Variants in RYR1 observed in about 807,000 individuals in gnomAD.
RYR1 encodes the protein ryanodine receptor 1.
A neutral mutation model predicts 583.5 loss-of-function variants in RYR1; 342 were observed. The ratio of observed to expected loss-of-function variants is 0.59; its 90% CI spans 0.54 to 0.64. The LOEUF (loss-of-function observed/expected upper bound fraction) is 0.64. Among genes scored for constraint, RYR1 ranks in the 30% least tolerant of loss-of-function variants. The probability of loss-of-function intolerance (pLI) is 0.00; values close to 1 mark genes in which losing one functional copy is unlikely to be tolerated. For missense variants in RYR1, 6,032 were observed against 6,917.2 expected, an observed-to-expected ratio of 0.87 and a Z score of 4.54; for synonymous variants, 2,791 against 2,822.5, an observed-to-expected ratio of 0.99 and a Z score of 0.35.
chr19:38,443,855 TAGA>T lies in RYR1; in HGVS notation c.424+62_424+64del, dbSNP rs1426467973. 3.3e-6 allele frequency: 5 copies of T among 1,511,284 alleles called. No individual in the cohort carries two copies. The African/African-American group carries it at 5.5e-5, about 17-fold the overall frequency. 93.6% of individuals were successfully genotyped at this position (1,511,284 alleles called of 1,614,324 possible). On this transcript the variant is annotated intron_variant, in intron 5 of 105. Transcript: ENST00000359596. ...GGCCCCGCAGCAGGGATTCAGGGGG[TAGA>T]AGGTCTGCAGAACGCCAAGGCAAGC... is the stretch of plus-strand genomic sequence containing the variant.
rs372061013 is a variant in RYR1, at chr19:38,473,427, C to T, written c.3816C>T (p.Thr1272=). 1.9e-5 allele frequency: 30 copies of T among 1,613,814 alleles called. No individual in the cohort carries two copies. Among genetic ancestry groups the T allele is most frequent in the Non-Finnish European group, 2.5e-5 (29 of 1,179,982 alleles). The change falls in exon 28 of 106, where the codon ACC becomes ACT. Residue 1272 remains threonine (T), a synonymous_variant. Transcript: ENST00000359596. ...ACACGCCCCCCTGCCTGCGCCTGAC[C>T]CACCGCACCTGGGGCTCCCAGAACA... ...TVDTPPCLRL[T]HRTWGSQNSL... is the part of the protein sequence containing the mutation.
intron 7 of RYR1, among the ~76,000 whole-genome samples, chr19:38,445,313 TCAAA>T (rs1972889778): frequency 6.7e-6 from 1 of 150,104 alleles, no homozygotes; most frequent in Non-Finnish European, 1.5e-5. Context: ...ACCCCCAAAT[TCAAA>T]CCTCAGATCC....
At position 38,448,455 on chromosome 19, in the gene RYR1, G is replaced by C. The variant is rs1412854550; in HGVS notation, c.901G>C (p.Val301Leu). 6.2e-7 allele frequency: 1 copy of C among 1,613,758 alleles called. No homozygotes were observed. Among genetic ancestry groups the C allele is most frequent in the Non-Finnish European group, 8.5e-7 (1 of 1,180,016 alleles). Reference sequence around the variant, plus strand: ...CACCGAGGACCAGGGCCTGGTGGTGGTTGACGCCAGCAAGGCTCACACCAA... The same window carrying C: ...CACCGAGGACCAGGGCCTGGTGGTGCTTGACGCCAGCAAGGCTCACACCAA... ...ALTEDQGLVVVDASKAHTKAT... is the reference protein window; with the variant it reads ...ALTEDQGLVVLDASKAHTKAT... Residue 301 changes from valine to leucine, a missense_variant, in exon 10 of 106, where the codon GTT becomes CTT. Physicochemically the swap from Val to Leu is conservative, Grantham distance 32. Around this residue, in one of 11 missense-constraint regions of RYR1, gnomAD observed 338 missense variants for 441.6 expected, o/e 0.77. Coordinates refer to ENST00000359596, the MANE Select transcript of RYR1 (RefSeq NM_000540.3).
At chr19:38,569,231 A>C (rs534353974) in intron 93 of RYR1, among the ~76,000 whole-genome samples, 10 of 152,180 alleles carry the variant, frequency 6.6e-5, no homozygotes, top group South Asian at 2.1e-4. Context: ...AGAATGGCCT[A>C]GATCTGACCT....
At position 38,502,598 on chromosome 19, in the gene RYR1, T is replaced by G. The variant is rs778270931; in HGVS notation, c.7706T>G (p.Phe2569Cys). The G allele has an allele frequency of 5.0e-6, 8 of 1,612,674 alleles. No individual in the cohort carries two copies. Among genetic ancestry groups the G allele is most frequent in the Non-Finnish European group, 6.8e-6 (8 of 1,179,882 alleles). The change falls in exon 48 of 106, where the codon TTT (phenylalanine) becomes TGT (cysteine). Residue 2569 changes from phenylalanine to cysteine, a missense_variant. Phe to Cys is a radical substitution (Grantham distance 205, BLOSUM62 -2). This residue lies in a region of RYR1 where 250 missense variants were observed against 162.3 expected (regional missense o/e 1.54). Coordinates refer to ENST00000359596, the MANE Select transcript of RYR1 (RefSeq NM_000540.3). ...CTCATCACCAAGTGTGCGCCGCTCTTTGCGGGCACAGAACACCGCGCCATC... is the reference window on the plus strand; with the variant it reads ...CTCATCACCAAGTGTGCGCCGCTCTGTGCGGGCACAGAACACCGCGCCATC... ...LPLITKCAPL[F>C]AGTEHRAIMV...
At chr19:38,502,190 T>C (rs1024390456) in intron 47 of RYR1, among the ~76,000 whole-genome samples, 11 of 151,888 alleles carry the variant, frequency 7.2e-5, no homozygotes, top group Non-Finnish European at 1.6e-4. Context: ...GGAAGAAAGA[T>C]GAGGGTTAGA....
At chr19:38,546,633 C>A (rs1972435814) in intron 88 of RYR1, 107 bp downstream of exon 88, 1 of 871,064 alleles carries the variant, frequency 1.1e-6, no homozygotes. Flanking sequence ...CATCTGACAT[C>A]GTGTCAGGAT....
intron 89 of RYR1, among the ~76,000 whole-genome samples, chr19:38,558,147 A>G (rs947008056): frequency 1.3e-5 from 2 of 150,448 alleles, no homozygotes; most frequent in Non-Finnish European, 3.0e-5. Context: ...TGTCTCTACA[A>G]AAAAACTGTT....
chr19:38,503,942 G>A (rs1019389310), intron 49 of RYR1, among the ~76,000 whole-genome samples: 1 of 152,024 alleles, frequency 6.6e-6, no homozygotes, highest in Admixed American at 6.6e-5. Context: ...ATTAATATTA[G>A]CACGCTTATT....
At chr19:38,545,145 T>C (rs1972369112) in intron 87 of RYR1, among the ~76,000 whole-genome samples, 1 of 151,998 alleles carries the variant, frequency 6.6e-6, no homozygotes, top group Non-Finnish European at 1.5e-5. Context: ...CCAATCATCA[T>C]AGGCTTAGGA....
At position 38,566,936 on chromosome 19, in the gene RYR1, C is replaced by CGCCAGA. The variant is rs751816707; in HGVS notation, c.13473_13478dup (p.Pro4497_Glu4498dup). On this transcript the variant is annotated inframe_insertion, in exon 92 of 106. Coordinates refer to ENST00000359596, the MANE Select transcript of RYR1 (RefSeq NM_000540.3). Reference sequence around the variant, plus strand: ...GTGGATGGAGTGGAGGAGGAGCTCCCGCCAGAGCCAGAGCCCGAGCCGGAA... The same window carrying CGCCAGA: ...GTGGATGGAGTGGAGGAGGAGCTCCCGCCAGAGCCAGAGCCAGAGCCCGAGCCGGAA... The CGCCAGA allele has an allele frequency of 8.7e-6, 14 of 1,606,294 alleles. No homozygotes were observed. The highest frequency in any genetic ancestry group is 2.2e-5 in the South Asian group (2 of 89,432).
In RYR1 at chr19:38,544,019, C is replaced by T. The variant is rs1411173725; in HGVS notation, c.12012+144C>T. On this transcript the variant is annotated intron_variant, in intron 87 of 105. Coordinates refer to ENST00000359596, the MANE Select transcript of RYR1 (RefSeq NM_000540.3). The stretch of plus-strand genomic sequence containing the variant: ...GTTCCCTCTCAGTGGCCAAATCCAT[C>T]CTCTTTCTGGATTGGCTGTCTGCAT... 6 of 805,434 alleles carry T rather than the reference C, an allele frequency of 7.4e-6. No individual in the cohort carries two copies. In the East Asian group the frequency reaches 8.0e-5, roughly 11 times the overall value. 49.9% of individuals were successfully genotyped at this position (805,434 alleles called of 1,614,324 possible).
At position 38,453,061 on chromosome 19, in the gene RYR1, G is replaced by A. The variant is rs202063918; in HGVS notation, c.1440+47G>A. The A allele has an allele frequency of 3.4e-4, 537 of 1,597,698 alleles. 3 individuals are homozygous for A. In the East Asian group the frequency reaches 8.6e-3, roughly 26 times the overall value. On this transcript the variant is annotated intron_variant, in intron 13 of 105. Transcript: ENST00000359596. Reference sequence around the variant, plus strand: ...AGCGGGGCCTGTGGGCCCAGGGGGCGGGACCACTGAGGGGCGGGGCCACGG... The same window carrying A: ...AGCGGGGCCTGTGGGCCCAGGGGGCAGGACCACTGAGGGGCGGGGCCACGG...
At chr19:38,585,506 C>G (rs541729847) in intron 102 of RYR1, among the ~76,000 whole-genome samples, 1 of 150,212 alleles carries the variant, frequency 6.7e-6, no homozygotes, top group African/African-American at 2.4e-5. Context: ...GGGAGTCTCG[C>G]TCTGTTGCCC....
At position 38,483,253 on chromosome 19, in the gene RYR1, T is replaced by C; in HGVS notation, c.4708-37T>C. ...AGTGGTGTGGTGGGACAGAGGGGGC[T>C]GGCCATCTTGACCCATGTGTGTCTC... is the stretch of plus-strand genomic sequence containing the variant. On this transcript the variant is annotated intron_variant, in intron 32 of 105. Transcript: ENST00000359596. The surrounding 1 kb of genome is among the most constrained non-coding windows in gnomAD (Gnocchi z 6.3). 1 of 1,567,620 alleles carries C rather than the reference T, an allele frequency of 6.4e-7. No homozygotes were observed.
intron 48 of RYR1, 23 bp downstream of exon 48, chr19:38,502,750 G>GGGGCAGGGGC: frequency 8.1e-7 from 1 of 1,236,570 alleles, no homozygotes; most frequent in Non-Finnish European, 1.1e-6. Context: ...AGGCTTCAGG[G>GGGGCAGGGGC]TGGGGCAGGG....
intron 96 of RYR1, among the ~76,000 whole-genome samples, chr19:38,574,302 A>AG (rs2145877068): frequency 6.6e-6 from 1 of 151,594 alleles, no homozygotes; most frequent in African/African-American, 2.4e-5. Flanking sequence ...GGAAAAAAAA[A>AG]AAAGAAAGAA....
rs118192180 is a variant in RYR1 at position 38,580,090 on chromosome 19, C to T, written c.14473C>T (p.Arg4825Cys). The T allele has an allele frequency of 3.7e-6, 6 of 1,614,040 alleles. No individual in the cohort carries two copies. Among genetic ancestry groups the T allele is most frequent in the African/African-American group, 1.3e-5 (1 of 74,902 alleles). ...CATCGCCATGGGGGTCAAGACGCTG[C>T]GCACCATCCTGTCCTCTGTCACCCA... ...LDIAMGVKTLRTILSSVTHNG... is the reference protein window; with the variant it reads ...LDIAMGVKTLCTILSSVTHNG... Residue 4825 changes from arginine to cysteine, a missense_variant, in exon 100 of 106, where the codon CGC (arginine) becomes TGC (cysteine). Arg to Cys is a radical substitution (Grantham distance 180, BLOSUM62 -3). This residue lies in a region of RYR1 where 189 missense variants were observed against 350.3 expected (regional missense o/e 0.54). Transcript: ENST00000359596.
intron 67 of RYR1, 117 bp from the exon 68 acceptor site, chr19:38,522,911 C>T: frequency 1.2e-6 from 1 of 848,922 alleles, no homozygotes; most frequent in Admixed American, 2.1e-5. Flanking sequence ...CCTAGAAACC[C>T]CATCCCTCTG....
Sources: gnomAD v4.1 joint callset for allele counts (sites outside exome capture counted in the v4.1 genomes callset) on GRCh38, gnomAD v4.1.1 for gene constraint, gnomAD v4.1.1 regional missense constraint, Gnocchi (gnomAD v3.1) non-coding constraint, MANE v1.5 for transcripts, NCBI Gene and HGNC (gene_info 2026-07-23, HGNC 2026-07-21) for gene names.